Variants in ATRX observed in about 807,000 individuals in gnomAD.
ATRX encodes the protein ATRX chromatin remodeler.
In ATRX, 12 loss-of-function variants were observed where a neutral mutation model predicts 172.6. The ratio of observed to expected loss-of-function variants is 0.07; its 90% CI spans 0.04 to 0.11. The LOEUF is 0.11. ATRX is among the 10% of genes least tolerant of loss of function. ATRX has a pLI of 1.00. For missense variants in ATRX, 1,368 were observed against 1,767.4 expected (o/e 0.77, Z 4.05); for synonymous variants, 674 against 594.7 (o/e 1.13, Z -1.94).
At chrX:77,731,321 C>T (rs2074289850) in intron 1 of ATRX, among the ~76,000 whole-genome samples, 1 of 111,672 alleles carries the variant, frequency 9.0e-6, no homozygotes, top group Non-Finnish European at 1.9e-5. Context: ...TAACAAATAA[C>T]GAGATTGACA....
chrX:77,537,495 T>C (rs1158843015), intron 30 of ATRX, among the ~76,000 whole-genome samples: 1 of 110,711 alleles, frequency 9.0e-6, no homozygotes, highest in Non-Finnish European at 1.9e-5. Flanking sequence ...TTCTAACACC[T>C]TTTCTAATAG....
At chrX:77,708,168 T>C (rs2072930634) in intron 2 of ATRX, among the ~76,000 whole-genome samples, 1 of 111,802 alleles carries the variant, frequency 8.9e-6, no homozygotes, top group African/African-American at 3.3e-5. Flanking sequence ...AGCCAAAACA[T>C]GGGAACAAGA....
chrX:77,729,050 G>A (rs1173129960), intron 1 of ATRX, among the ~76,000 whole-genome samples: 1 of 103,382 alleles, frequency 9.7e-6, no homozygotes, highest in Non-Finnish European at 1.9e-5. Flanking sequence ...ATGAGCCACC[G>A]CACCTGGCCC....
rs782063627 is a variant in ATRX, at chrX:77,769,796, G to A, written c.20+16186C>T. Reference sequence around the variant, plus strand: ...TCCAATTCTCCATGATAATGTAACCGTTAAAAATATTTTTCAGGGCCAGGC... The same window carrying A: ...TCCAATTCTCCATGATAATGTAACCATTAAAAATATTTTTCAGGGCCAGGC... On this transcript the variant is annotated intron_variant, in intron 1 of 34. Transcript: ENST00000373344. Among the ~76,000 whole-genome samples, 1,104 of 111,168 alleles carry A rather than the reference G, an allele frequency of 9.9e-3. 11 individuals are homozygous for A. The highest frequency in any genetic ancestry group is 0.016 in the Non-Finnish European group (862 of 52,998).
intron 15 of ATRX, among the ~76,000 whole-genome samples, chrX:77,646,865 G>C (rs1360919828): frequency 9.2e-6 from 1 of 108,578 alleles, no homozygotes; most frequent in Admixed American, 9.9e-5. Context: ...CGAGGCTACA[G>C]TGAGCTATGA....
At chrX:77,629,167 C>A (rs186572616) in intron 19 of ATRX, among the ~76,000 whole-genome samples, 25 of 112,454 alleles carry the variant, frequency 2.2e-4, no homozygotes, top group African/African-American at 7.1e-4. Flanking sequence ...CCATCTTGAA[C>A]TTCAATTTAG....
rs186731455 is a variant in ATRX at position 77,720,694 on chromosome X, G to C, written c.21-3451C>G. The stretch of plus-strand genomic sequence containing the variant: ...TTGAGGCAGTAACTAATAGCCTACC[G>C]ATCAAAATAAGTCCAGGACCAGACA... On this transcript the variant is annotated intron_variant, in intron 1 of 34. Coordinates refer to ENST00000373344, the MANE Select transcript of ATRX (RefSeq NM_000489.6). Among the ~76,000 whole-genome samples the C allele has an allele frequency of 6.3e-5, 7 of 111,533 alleles. No individual in the cohort carries two copies. In the East Asian group the frequency reaches 1.7e-3, roughly 27 times the overall value.
intron 15 of ATRX, among the ~76,000 whole-genome samples, chrX:77,636,741 C>G (rs1438358712): frequency 1.9e-5 from 2 of 104,033 alleles, no homozygotes; most frequent in African/African-American, 7.2e-5. Flanking sequence ...AAGCAGTGTT[C>G]CCTGTTGTTG....
intron 19 of ATRX, among the ~76,000 whole-genome samples, chrX:77,628,655 T>C (rs1488707609): frequency 1.8e-5 from 2 of 112,286 alleles, no homozygotes; most frequent in African/African-American, 6.5e-5. Flanking sequence ...CACTCTGTGA[T>C]GATTATGATC....
chrX:77,766,822 G>T (rs1214177061), intron 1 of ATRX, among the ~76,000 whole-genome samples: 2 of 110,476 alleles, frequency 1.8e-5, no homozygotes, highest in Non-Finnish European at 3.8e-5. Context: ...ACGGGGTGGC[G>T]GCCGGGCAGA....
At chrX:77,519,652 A>G (rs2063163503) in intron 34 of ATRX, among the ~76,000 whole-genome samples, 1 of 112,011 alleles carries the variant, frequency 8.9e-6, no homozygotes, top group Non-Finnish European at 1.9e-5. Flanking sequence ...AAGACAGGCA[A>G]TAACTAATAT....
chrX:77,731,588 A>G (rs2074300197), intron 1 of ATRX, among the ~76,000 whole-genome samples: 1 of 111,241 alleles, frequency 9.0e-6, no homozygotes, highest in African/African-American at 3.3e-5. Flanking sequence ...CTCTTTACCA[A>G]TAGAATGTTG....
intron 1 of ATRX, among the ~76,000 whole-genome samples, chrX:77,752,828 T>C (rs1557188218): frequency 9.0e-6 from 1 of 111,695 alleles, no homozygotes; most frequent in Non-Finnish European, 1.9e-5. Flanking sequence ...GACTTGATAA[T>C]GGTGGATAAG....
At chrX:77,527,568 A>AG (rs1168341695) in intron 30 of ATRX, among the ~76,000 whole-genome samples, 1 of 112,211 alleles carries the variant, frequency 8.9e-6, no homozygotes, top group African/African-American at 3.2e-5. Flanking sequence ...GCAAAACAGC[A>AG]GCTCAGGCGC....
intron 2 of ATRX, 39 bp from the exon 3 acceptor site, chrX:77,698,668 G>C (rs781925125): frequency 2.8e-6 from 3 of 1,075,234 alleles, no homozygotes; most frequent in Non-Finnish European, 3.9e-6. Context: ...TTATCTCTTC[G>C]ATGCATTATC....
In ATRX at chrX:77,736,005, CA is replaced by C. The variant is rs1264213602; in HGVS notation, c.21-18763del. 1.2e-3 allele frequency among the ~76,000 whole-genome samples: 93 copies of C among 78,303 alleles called. 1 individual carries two copies. Among genetic ancestry groups the C allele is most frequent in the Admixed American group, 1.6e-3 (11 of 6,877 alleles). The allele number at this position is 78,303 out of a possible 115,157, so 68.0% of individuals were successfully genotyped here. On this transcript the variant is annotated intron_variant, in intron 1 of 34. Transcript: ENST00000373344. Reference sequence around the variant, plus strand: ...GGCAACAAGAGCCGAAACTCCACCTCAAAAAAAAAAAAAGAAAAAGAAACTA... The same window carrying C: ...GGCAACAAGAGCCGAAACTCCACCTCAAAAAAAAAAAAGAAAAAGAAACTA...
chrX:77,668,310 T>A (rs2070367700), intron 10 of ATRX, among the ~76,000 whole-genome samples: 1 of 111,459 alleles, frequency 9.0e-6, no homozygotes, highest in African/African-American at 3.3e-5. Flanking sequence ...CAGCTGAGGC[T>A]GGCAAAGCAT....
intron 10 of ATRX, among the ~76,000 whole-genome samples, chrX:77,671,364 G>A (rs2070608218): frequency 9.6e-6 from 1 of 104,667 alleles, no homozygotes; most frequent in African/African-American, 3.5e-5. Context: ...TTTTTGGTGA[G>A]GGTACCAGGA....
chrX:77,691,898 A>T (rs781947171), intron 6 of ATRX, among the ~76,000 whole-genome samples: 12 of 111,993 alleles, frequency 1.1e-4, no homozygotes, highest in Non-Finnish European at 2.3e-4. Context: ...AGATGAAAAT[A>T]GATGTGAAAG....
Sources: gnomAD v4.1 joint callset for allele counts (sites outside exome capture counted in the v4.1 genomes callset) on GRCh38, gnomAD v4.1.1 for gene constraint, MANE v1.5 for transcripts, NCBI Gene and HGNC (gene_info 2026-07-23, HGNC 2026-07-21) for gene names.